The following PLCB4 variants were observed in gnomAD, a reference collection of about 807,000 sequenced individuals.
PLCB4 encodes 1-phosphatidylinositol 4,5-bisphosphate phosphodiesterase beta-4.
Under a neutral mutation model 178.8 loss-of-function variants are expected in PLCB4, and 77 were observed. The ratio of observed to expected loss-of-function variants is 0.43; its 90% CI spans 0.36 to 0.52. PLCB4 has a LOEUF of 0.52. Among genes scored for constraint, PLCB4 ranks in the 20% least tolerant of loss-of-function variants. The pLI, the probability that PLCB4 is intolerant of heterozygous loss-of-function variation, is 0.00. For synonymous variants in PLCB4, 496 were observed against 490.8 expected (o/e 1.01, Z -0.14); for missense variants, 1,024 against 1,453.4 (o/e 0.70, Z 4.80).
intron 4 of PLCB4, among the ~76,000 whole-genome samples, chr20:9,329,490 T>C (rs1339066655): frequency 2.6e-5 from 4 of 152,122 alleles, no homozygotes; most frequent in Non-Finnish European, 4.4e-5. Context: ...CTAGCAATAG[T>C]AGGCATATTA....
At chr20:9,376,229 T>C (rs894385960) in intron 12 of PLCB4, among the ~76,000 whole-genome samples, 2 of 152,108 alleles carry the variant, frequency 1.3e-5, no homozygotes, top group Non-Finnish European at 2.9e-5. Context: ...TTATTAGAAA[T>C]GCTCAGTCTT....
chr20:9,231,456 G>A (rs1408039481), intron 3 of PLCB4, among the ~76,000 whole-genome samples: 1 of 152,090 alleles, frequency 6.6e-6, no homozygotes, highest in Non-Finnish European at 1.5e-5. Context: ...CCACCTTCTT[G>A]CTGTATTCAC....
intron 36 of PLCB4, among the ~76,000 whole-genome samples, chr20:9,470,888 T>C (rs1029779899): frequency 6.6e-6 from 1 of 152,230 alleles, no homozygotes; most frequent in Non-Finnish European, 1.5e-5. Context: ...TATCTACAAA[T>C]TGGCTGTTTT....
chr20:9,441,652 A>G (rs1189539398), intron 30 of PLCB4, among the ~76,000 whole-genome samples: 3 of 152,164 alleles, frequency 2.0e-5, no homozygotes, highest in African/African-American at 7.2e-5. Flanking sequence ...GTCTCCTCTT[A>G]GAGGGATGAG....
At chr20:9,255,900 G>A (rs769125765) in intron 3 of PLCB4, among the ~76,000 whole-genome samples, 10 of 151,992 alleles carry the variant, frequency 6.6e-5, no homozygotes, top group Non-Finnish European at 1.3e-4. Context: ...ACTAAAAGGT[G>A]ATACTCAGAT....
At chr20:9,215,727 C>T (rs183580968) in intron 2 of PLCB4, among the ~76,000 whole-genome samples, 2 of 152,244 alleles carry the variant, frequency 1.3e-5, no homozygotes, top group East Asian at 3.9e-4. Flanking sequence ...TAAAAATCTC[C>T]TTTTAGTACT....
chr20:9,130,774 T>C (rs540781757), intron 2 of PLCB4, among the ~76,000 whole-genome samples: 11 of 152,304 alleles, frequency 7.2e-5, no homozygotes, highest in Admixed American at 3.3e-4. Flanking sequence ...ATTGAAGTTG[T>C]GATCAGATAA....
At position 9,459,744 on chromosome 20, in the gene PLCB4, T is replaced by A. The variant is rs1289015520; in HGVS notation, c.3182T>A (p.Leu1061Gln). Residue 1061 changes from leucine to glutamine, a missense_variant, in exon 35 of 40, where the codon CTG becomes CAG. Physicochemically the swap from Leu to Gln is moderately radical, Grantham distance 113. Coordinates refer to ENST00000378473, the MANE Select transcript of PLCB4 (RefSeq NM_001377142.1). Reference sequence around the variant, plus strand: ...CTGCACCTCAGCCAGCAGTGTGAGCTGCTGAAAAAGCTACTCATCAATGCC... The same window carrying A: ...CTGCACCTCAGCCAGCAGTGTGAGCAGCTGAAAAAGCTACTCATCAATGCC... The part of the protein sequence containing the change: ...RDLHLSQQCE[L>Q]LKKLLINAHE... 6.2e-7 allele frequency: 1 copy of A among 1,613,206 alleles called. No homozygotes were observed. Among genetic ancestry groups the A allele is most frequent in the African/African-American group, 1.3e-5 (1 of 74,892 alleles).
At chr20:9,447,018 C>T (rs1380399427) in intron 32 of PLCB4, among the ~76,000 whole-genome samples, 1 of 152,190 alleles carries the variant, frequency 6.6e-6, no homozygotes, top group Non-Finnish European at 1.5e-5. Flanking sequence ...TGCCTGATCT[C>T]CATATGACGT....
At chr20:9,088,095 A>C (rs1448357442) in intron 1 of PLCB4, among the ~76,000 whole-genome samples, 2 of 152,134 alleles carry the variant, frequency 1.3e-5, no homozygotes, top group Non-Finnish European at 2.9e-5. Context: ...TTCTGCACTG[A>C]AGCAGGCATC....
intron 2 of PLCB4, among the ~76,000 whole-genome samples, chr20:9,128,949 T>C (rs754729080): frequency 1.2e-4 from 18 of 152,276 alleles, no homozygotes; most frequent in African/African-American, 4.3e-4. Flanking sequence ...CTGGCTTATT[T>C]CACTTAGAAT....
chr20:9,283,346 T>C (rs951550308), intron 3 of PLCB4, among the ~76,000 whole-genome samples: 4 of 151,982 alleles, frequency 2.6e-5, no homozygotes, highest in East Asian at 1.9e-4. Flanking sequence ...ACAAAATCCA[T>C]TGAGGCCTTT....
At chr20:9,425,618 A>G (rs773155138) in intron 28 of PLCB4, among the ~76,000 whole-genome samples, 5 of 152,224 alleles carry the variant, frequency 3.3e-5, no homozygotes, top group South Asian at 2.1e-4. Flanking sequence ...TATTTAGCCA[A>G]ATTAATCTCT....
At chr20:9,372,509 G>T in intron 11 of PLCB4, 106 bp downstream of exon 11, 1 of 567,230 alleles carries the variant, frequency 1.8e-6, no homozygotes. Flanking sequence ...GTAGCATCTA[G>T]GAATATCTAG....
intron 7 of PLCB4, among the ~76,000 whole-genome samples, chr20:9,347,410 A>G (rs1471439508): frequency 6.6e-6 from 1 of 152,242 alleles, no homozygotes; most frequent in East Asian, 1.9e-4. Context: ...ATTTAGAACC[A>G]TAGCTATAGA....
chr20:9,461,060 AT>A (rs1309486161), intron 35 of PLCB4, among the ~76,000 whole-genome samples: 2 of 152,176 alleles, frequency 1.3e-5, no homozygotes, highest in African/African-American at 2.4e-5. Context: ...ACAATGCCAG[AT>A]TTTAGGTGCC....
chr20:9,215,243 T>C (rs893611196), intron 2 of PLCB4, among the ~76,000 whole-genome samples: 2 of 152,198 alleles, frequency 1.3e-5, no homozygotes, highest in African/African-American at 4.8e-5. Flanking sequence ...ACATAATCCC[T>C]GTCTTCATGG....
At chr20:9,072,595 C>T (rs956448658) in intron 1 of PLCB4, among the ~76,000 whole-genome samples, 2 of 151,900 alleles carry the variant, frequency 1.3e-5, no homozygotes, top group Admixed American at 1.3e-4. Context: ...GAAAATATCA[C>T]CCTGGAATAA....
At chr20:9,390,888 G>A (rs979391101) in intron 17 of PLCB4, among the ~76,000 whole-genome samples, 18 of 152,244 alleles carry the variant, frequency 1.2e-4, no homozygotes, top group African/African-American at 4.1e-4. Flanking sequence ...TCCAGATTCA[G>A]GTCAGTTGTT....
Sources: gnomAD v4.1 joint callset for allele counts (sites outside exome capture counted in the v4.1 genomes callset) on GRCh38, gnomAD v4.1.1 for gene constraint, MANE v1.5 for transcripts, NCBI Gene and HGNC (gene_info 2026-07-23, HGNC 2026-07-21) for gene names.